ALOX5: variants seen among roughly 807,000 people sequenced by gnomAD.
ALOX5 encodes arachidonate 5-lipoxygenase.
Under a neutral mutation model 87.9 loss-of-function variants are expected in ALOX5, and 64 were observed. The ratio of observed to expected loss-of-function variants is 0.73; its 90% confidence interval spans 0.60 to 0.90. ALOX5 has a LOEUF of 0.90. ALOX5 is among the 40% of genes least tolerant of loss of function. The pLI, the probability that ALOX5 is intolerant of heterozygous loss-of-function variation, is 0.00. For missense variants in ALOX5, 822 were observed against 907.5 expected, an observed-to-expected ratio of 0.91 and a Z score of 1.21; for synonymous variants, 388 against 355.1, an observed-to-expected ratio of 1.09 and a Z score of -1.04.
chr10:45,427,926 C>T (rs1841780563), intron 6 of ALOX5, among the ~76,000 whole-genome samples: 1 of 152,166 alleles, frequency 6.6e-6, no homozygotes, highest in African/African-American at 2.4e-5. Context: ...CCCGCCGTGT[C>T]GCCAGTCTCA....
chr10:45,374,361 G>A lies in ALOX5; in HGVS notation c.82G>A (p.Gly28Ser), dbSNP rs1175303603. The A allele has an allele frequency of 1.9e-6, 3 of 1,548,912 alleles. No homozygotes were observed. Among genetic ancestry groups the A allele is most frequent in the African/African-American group, 1.4e-5 (1 of 70,956 alleles). Residue 28 changes from glycine to serine, a missense_variant, in exon 1 of 14, where the codon GGC becomes AGC. By Grantham distance (56) the Gly-to-Ser change is moderately conservative. Coordinates refer to ENST00000374391, the MANE Select transcript of ALOX5 (RefSeq NM_000698.5). The part of the protein sequence containing the change: ...TDDYIYLSLV[G>S]SAGCSEKHLL... ...CGACTACATCTACCTCAGCCTCGTG[G>A]GCTCGGCGGGCTGCAGCGAGAAGCA...
At position 45,379,643 on chromosome 10, in the gene ALOX5, T is replaced by C. The variant is rs117509491; in HGVS notation, c.151-2840T>C. On this transcript the variant is annotated intron_variant, in intron 1 of 13. Transcript: ENST00000374391. ...TGGGGCCTGGTGCCCTGCAACCCCC[T>C]GGATTCAGGAAGGGGCACTGGTGGT... 6.3e-3 allele frequency among the ~76,000 whole-genome samples: 953 copies of C among 152,308 alleles called. 33 individuals carry two copies. The highest frequency in any genetic ancestry group is 0.052 in the Admixed American group (789 of 15,308).
chr10:45,412,884 G>C (rs746422664), intron 4 of ALOX5, among the ~76,000 whole-genome samples: 4 of 152,180 alleles, frequency 2.6e-5, no homozygotes, highest in African/African-American at 9.7e-5. Flanking sequence ...CCGAATGTCC[G>C]CAGGGCTTTT....
chr10:45,428,840 C>A (rs1358924025), intron 7 of ALOX5, 76 bp downstream of exon 7: 7 of 1,559,834 alleles, frequency 4.5e-6, no homozygotes, highest in Non-Finnish European at 6.1e-6. Flanking sequence ...GCTCCATTCA[C>A]ACTCCAGCTG....
At chr10:45,403,915 G>A (rs1840787086) in intron 3 of ALOX5, among the ~76,000 whole-genome samples, 1 of 152,154 alleles carries the variant, frequency 6.6e-6, no homozygotes, top group South Asian at 2.1e-4. Flanking sequence ...CAAAGCCCCT[G>A]CAGCCAGTTC....
intron 5 of ALOX5, among the ~76,000 whole-genome samples, chr10:45,424,572 G>A (rs1284070738): frequency 6.6e-6 from 1 of 152,212 alleles, no homozygotes. Flanking sequence ...GGCCAGTCAT[G>A]GCATGGGAAG....
At chr10:45,435,204 G>A (rs967300103) in intron 7 of ALOX5, among the ~76,000 whole-genome samples, 2 of 151,980 alleles carry the variant, frequency 1.3e-5, no homozygotes, top group African/African-American at 4.8e-5. Context: ...GTGATGGGCT[G>A]AAATAGGCAG....
At chr10:45,394,494 T>C (rs1235497627) in intron 2 of ALOX5, among the ~76,000 whole-genome samples, 2 of 152,166 alleles carry the variant, frequency 1.3e-5, no homozygotes, top group African/African-American at 4.8e-5. Context: ...CCTAAAACCA[T>C]CAAAACCCTA....
chr10:45,381,228 C>T (rs945962437), intron 1 of ALOX5, among the ~76,000 whole-genome samples: 7 of 152,242 alleles, frequency 4.6e-5, no homozygotes, highest in African/African-American at 1.7e-4. Flanking sequence ...GCAAGGCTAG[C>T]CTCACCCTGC....
chr10:45,416,684 A>G (rs919425741), intron 4 of ALOX5, among the ~76,000 whole-genome samples: 2 of 151,736 alleles, frequency 1.3e-5, no homozygotes, highest in Admixed American at 6.6e-5. Flanking sequence ...GGACAGGCAG[A>G]TGGATGGGTT....
Position 45,445,417 on chromosome 10 carries a change from A to T in ALOX5, c.1846-91A>T, listed in dbSNP as rs555622078. The T allele has an allele frequency of 3.9e-5, 57 of 1,473,474 alleles. No individual in the cohort carries two copies. The South Asian group carries it at 6.9e-4, about 18-fold the overall frequency. 91.3% of individuals were successfully genotyped at this position (1,473,474 alleles called of 1,614,324 possible). Reference sequence around the variant, plus strand: ...TAGATGCTCCCTCCTTCATCTCCCAAACGGTGGCTGGCCCCTTGGGATGAG... The same window carrying T: ...TAGATGCTCCCTCCTTCATCTCCCATACGGTGGCTGGCCCCTTGGGATGAG... On this transcript the variant is annotated intron_variant, in intron 13 of 13. Coordinates refer to ENST00000374391, the MANE Select transcript of ALOX5 (RefSeq NM_000698.5).
At chr10:45,424,208 G>A (rs2132805095) in intron 5 of ALOX5, 61 bp downstream of exon 5, 1 of 1,408,304 alleles carries the variant, frequency 7.1e-7, no homozygotes, top group Admixed American at 1.7e-5. Flanking sequence ...TCTCCTGTCT[G>A]ATACTTGCCG....
intron 2 of ALOX5, among the ~76,000 whole-genome samples, chr10:45,391,323 A>G (rs1840240614): frequency 6.6e-6 from 1 of 152,172 alleles, no homozygotes; most frequent in Non-Finnish European, 1.5e-5. Flanking sequence ...TCCAGCTCCT[A>G]ACCGCGAGTG....
At chr10:45,434,130 C>T (rs910730273) in intron 7 of ALOX5, among the ~76,000 whole-genome samples, 7 of 152,184 alleles carry the variant, frequency 4.6e-5, no homozygotes, top group Non-Finnish European at 8.8e-5. Flanking sequence ...TGCCCTGTTG[C>T]GGGGCTGGGG....
intron 4 of ALOX5, among the ~76,000 whole-genome samples, chr10:45,415,516 C>T (rs1003207664): frequency 1.3e-5 from 2 of 151,894 alleles, no homozygotes; most frequent in Non-Finnish European, 2.9e-5. Context: ...CAACATGGCA[C>T]ATGTATACAT....
At chr10:45,443,964 C>A in intron 12 of ALOX5, 136 bp downstream of exon 12, 1 of 1,433,930 alleles carries the variant, frequency 7.0e-7, no homozygotes, top group Non-Finnish European at 9.4e-7. Flanking sequence ...TGGATTCTGC[C>A]CGCTCAGCCA....
At chr10:45,380,963 T>G (rs1049551509) in intron 1 of ALOX5, among the ~76,000 whole-genome samples, 1 of 152,184 alleles carries the variant, frequency 6.6e-6, no homozygotes, top group African/African-American at 2.4e-5. Context: ...GAACATGCCT[T>G]GGAGGGCATC....
At chr10:45,376,083 C>T (rs572429683) in intron 1 of ALOX5, among the ~76,000 whole-genome samples, 1 of 152,348 alleles carries the variant, frequency 6.6e-6, no homozygotes, top group Admixed American at 6.5e-5. Context: ...CTGCACAGCA[C>T]GGGCACCCCG....
chr10:45,432,998 A>G (rs1841956864), intron 7 of ALOX5, among the ~76,000 whole-genome samples: 1 of 152,274 alleles, frequency 6.6e-6, no homozygotes, highest in African/African-American at 2.4e-5. Flanking sequence ...AGCAGAGAAT[A>G]TGAATAGGCA....
Sources: allele counts gnomAD v4.1 joint callset (sites outside exome capture counted in the v4.1 genomes callset), GRCh38; gene constraint gnomAD v4.1.1; transcripts MANE v1.5; gene names NCBI Gene and HGNC (gene_info 2026-07-23, HGNC 2026-07-21).